ZNF391: variants seen among roughly 807,000 people sequenced by gnomAD.
The protein encoded by ZNF391 is zinc finger protein 391.
For missense variants in ZNF391, 375 were observed against 425.5 expected, an observed-to-expected ratio of 0.88 and a Z score of 1.04; for synonymous variants, 126 against 142.1, an observed-to-expected ratio of 0.89 and a Z score of 0.80.
intron 1 of ZNF391, among the ~76,000 whole-genome samples, chr6:27,382,731 A>T (rs1164839794): frequency 6.6e-6 from 1 of 152,202 alleles, no homozygotes; most frequent in African/African-American, 2.4e-5. Context: ...ACTGCAACAG[A>T]AATGAAAATG....
At chr6:27,378,368 G>A (rs1369021059) in intron 1 of ZNF391, among the ~76,000 whole-genome samples, 1 of 152,092 alleles carries the variant, frequency 6.6e-6, no homozygotes, top group African/African-American at 2.4e-5. Context: ...AGCGAAGGGA[G>A]ATAGGGGTGG....
At chr6:27,395,943 AGT>A (rs1437759818) in intron 1 of ZNF391, among the ~76,000 whole-genome samples, 6 of 152,210 alleles carry the variant, frequency 3.9e-5, no homozygotes, top group Admixed American at 6.5e-5. Context: ...ACCTTATGGC[AGT>A]ATGGGTATTC....
chr6:27,392,262 A>G (rs938697770), intron 1 of ZNF391, among the ~76,000 whole-genome samples: 20 of 151,682 alleles, frequency 1.3e-4, no homozygotes, highest in African/African-American at 4.4e-4. Context: ...TATTGATTTT[A>G]TTTTTTTTGA....
chr6:27,378,768 G>T (rs1761454101), intron 1 of ZNF391, among the ~76,000 whole-genome samples: 1 of 152,040 alleles, frequency 6.6e-6, no homozygotes, highest in South Asian at 2.1e-4. Context: ...TATCAAATAA[G>T]AACATTTTTA....
chr6:27,384,815 C>T (rs1452612954), upstream of ZNF391, among the ~76,000 whole-genome samples: 2 of 151,798 alleles, frequency 1.3e-5, no homozygotes, highest in Non-Finnish European at 1.5e-5. Flanking sequence ...GTCAGGAGTT[C>T]GAGACCAGCC....
upstream of ZNF391, among the ~76,000 whole-genome samples, chr6:27,387,256 G>A (rs754177020): frequency 1.3e-5 from 2 of 152,330 alleles, no homozygotes; most frequent in Non-Finnish European, 2.9e-5. Flanking sequence ...CTGCTGATGG[G>A]AATGTAAAAC....
At chr6:27,380,125 G>A (rs1050639902) in intron 1 of ZNF391, among the ~76,000 whole-genome samples, 1 of 152,214 alleles carries the variant, frequency 6.6e-6, no homozygotes, top group African/African-American at 2.4e-5. Flanking sequence ...GTAAGATCTC[G>A]TCCATGCAGA....
At position 27,401,151 on chromosome 6, in the gene ZNF391, A is replaced by C; in HGVS notation, c.781A>C (p.Ile261Leu). The C allele has an allele frequency of 1.2e-6, 2 of 1,614,226 alleles. No homozygotes were observed. Among genetic ancestry groups the C allele is most frequent in the Non-Finnish European group, 8.5e-7 (1 of 1,180,026 alleles). ...TAAATGTGGAAAAGCTTTCAGTTGG[A>C]TCTCATCGCTTACTGAACATCAGAG... ...CSKCGKAFSW[I>L]SSLTEHQRTH... Residue 261 changes from isoleucine (I) to leucine (L), a missense_variant, in exon 3 of 3, where the codon ATC (isoleucine) becomes CTC (leucine). Ile to Leu is a conservative substitution (Grantham distance 5). Coordinates refer to ENST00000244576, the MANE Select transcript of ZNF391 (RefSeq NM_001076781.3).
At position 27,401,383 on chromosome 6, in the gene ZNF391, G is replaced by A; in HGVS notation, c.1013G>A (p.Cys338Tyr). ...TGEKPYKCNDCGKAFCQSSTL... is the reference protein window; with the variant it reads ...TGEKPYKCNDYGKAFCQSSTL... Reference sequence around the variant, plus strand: ...GAGAAGCCGTACAAATGTAATGACTGTGGAAAAGCCTTCTGTCAGAGTTCA... The same window carrying A: ...GAGAAGCCGTACAAATGTAATGACTATGGAAAAGCCTTCTGTCAGAGTTCA... Residue 338 changes from cysteine (C) to tyrosine (Y), a missense_variant, in exon 3 of 3, where the codon TGT becomes TAT. By Grantham distance (194) the Cys-to-Tyr change is radical. Coordinates refer to ENST00000244576, the MANE Select transcript of ZNF391 (RefSeq NM_001076781.3). 1.2e-6 allele frequency: 2 copies of A among 1,613,534 alleles called. No homozygotes were observed. The highest frequency in any genetic ancestry group is 1.7e-4 in the Middle Eastern group (1 of 6,052).
chr6:27,398,518 A>G (rs1358265277), intron 1 of ZNF391, among the ~76,000 whole-genome samples: 1 of 152,142 alleles, frequency 6.6e-6, no homozygotes, highest in Non-Finnish European at 1.5e-5. Context: ...GTGGACATAA[A>G]CACACTACTT....
rs200824005 is a variant in ZNF391, at chr6:27,401,019, C to T, written c.649C>T (p.Gln217Ter). Residue 217 changes from glutamine to a stop codon, truncating the protein, a stop_gained, in exon 3 of 3, where the codon CAA (glutamine) becomes TAA (stop). Coordinates refer to ENST00000244576, the MANE Select transcript of ZNF391 (RefSeq NM_001076781.3). LOFTEE classifies it low-confidence loss of function (END_TRUNC). ...NLSQHQRTHT[Q>*]ERPYKCNECG... Reference sequence around the variant, plus strand: ...TAGTCAGCATCAGCGAACTCATACTCAAGAAAGGCCTTACAAATGTAATGA... The same window carrying T: ...TAGTCAGCATCAGCGAACTCATACTTAAGAAAGGCCTTACAAATGTAATGA... 6.2e-7 allele frequency: 1 copy of T among 1,614,160 alleles called. No individual in the cohort carries two copies. The highest frequency in any genetic ancestry group is 1.3e-5 in the African/African-American group (1 of 75,052).
intron 1 of ZNF391, among the ~76,000 whole-genome samples, chr6:27,390,584 C>T (rs886939799): frequency 6.6e-6 from 1 of 152,188 alleles, no homozygotes; most frequent in Non-Finnish European, 1.5e-5. Flanking sequence ...ACTTTTGTCA[C>T]ATCCGCTAGA....
intron 1 of ZNF391, among the ~76,000 whole-genome samples, chr6:27,397,839 AG>A (rs1296134995): frequency 2.0e-5 from 3 of 152,180 alleles, no homozygotes; most frequent in Non-Finnish European, 4.4e-5. Context: ...CATGTTGGCC[AG>A]GCTGGTCTCA....
At chr6:27,378,002 G>T (rs192385692) in intron 1 of ZNF391, among the ~76,000 whole-genome samples, 32 of 152,240 alleles carry the variant, frequency 2.1e-4, no homozygotes, top group African/African-American at 6.7e-4. Context: ...TTTGGATCTG[G>T]ATCCTATAGA....
At chr6:27,392,132 A>G (rs1298108281) in intron 1 of ZNF391, among the ~76,000 whole-genome samples, 1 of 152,188 alleles carries the variant, frequency 6.6e-6, no homozygotes, top group Non-Finnish European at 1.5e-5. Flanking sequence ...ATAGCTACCA[A>G]TGGAGCTATA....
At chr6:27,381,410 C>T (rs941159128) in intron 1 of ZNF391, among the ~76,000 whole-genome samples, 2 of 152,232 alleles carry the variant, frequency 1.3e-5, no homozygotes, top group African/African-American at 4.8e-5. Context: ...AAGCACCGCG[C>T]GCAGCCCCAG....
In ZNF391 at chr6:27,400,520, CAAAG is replaced by C; in HGVS notation, c.154_157del (p.Glu52PhefsTer15). ...TGGTCAGAAAAGTGTCAGTGACACTCAAAGAAATTTTCACAGGGGAGGAAGGCCC... is the reference window on the plus strand; with the variant it reads ...TGGTCAGAAAAGTGTCAGTGACACTCAAATTTTCACAGGGGAGGAAGGCCC... On this transcript the variant is annotated frameshift_variant, in exon 3 of 3. Transcript: ENST00000244576. LOFTEE classifies it low-confidence loss of function (END_TRUNC). 8 of 1,614,154 alleles carry C rather than the reference CAAAG, an allele frequency of 5.0e-6. No homozygotes were observed. Among genetic ancestry groups the C allele is most frequent in the Non-Finnish European group, 5.9e-6 (7 of 1,180,008 alleles).
rs1325337338 is a variant in ZNF391, at chr6:27,389,012, G to T, written c.-251G>T. On this transcript the variant is annotated 5_prime_UTR_variant, in exon 1 of 3. Coordinates refer to ENST00000244576, the MANE Select transcript of ZNF391 (RefSeq NM_001076781.3). ...GCTCCAAGTGCGGGACCCGCCCGGG[G>T]TGTGTCGGGGGTACTCGGCCGGAGG... 1 of 456,292 alleles carries T rather than the reference G, an allele frequency of 2.2e-6. No individual in the cohort carries two copies. The highest frequency in any genetic ancestry group is 6.9e-5 in the East Asian group (1 of 14,410). The allele number at this position is 456,292 out of a possible 1,614,324, so 28.3% of individuals were successfully genotyped here. A position where few individuals can be genotyped will look rare whatever the true frequency, so the allele number is the denominator to read the frequency against.
At chr6:27,387,428 G>A (rs1761600560), upstream of ZNF391, among the ~76,000 whole-genome samples, 1 of 152,116 alleles carries the variant, frequency 6.6e-6, no homozygotes, top group Non-Finnish European at 1.5e-5. Flanking sequence ...TATTCACAAT[G>A]GCCAAAAGGC....
Sources: gnomAD v4.1 joint callset for allele counts (sites outside exome capture counted in the v4.1 genomes callset) on GRCh38, gnomAD v4.1.1 for gene constraint, MANE v1.5 for transcripts, NCBI Gene and HGNC (gene_info 2026-07-23, HGNC 2026-07-21) for gene names.